ABCA4: variants seen among roughly 807,000 people sequenced by gnomAD.
The protein encoded by ABCA4 is ATP binding cassette subfamily A member 4.
In ABCA4, 196 loss-of-function variants were observed where a neutral mutation model predicts 263.7. That is an observed-to-expected ratio of 0.74 (90% CI 0.66 to 0.84). The LOEUF (loss-of-function observed/expected upper bound fraction) is 0.84. ABCA4 is among the 40% of genes least tolerant of loss of function. The pLI, the probability that ABCA4 is intolerant of heterozygous loss-of-function variation, is 0.00. For synonymous variants in ABCA4, 1,133 were observed against 1,094.2 expected (o/e 1.04, Z -0.70); for missense variants, 2,792 against 2,855.1 (o/e 0.98, Z 0.50).
chr1:94,048,756 T>A, intron 18 of ABCA4, 112 bp downstream of exon 18: 1 of 999,400 alleles, frequency 1.0e-6, no homozygotes, highest in Admixed American at 1.9e-5. Flanking sequence ...ACAGAGAGAG[T>A]CAGTTTCCTA....
chr1:94,061,949 C>T (rs913671815), intron 13 of ABCA4, among the ~76,000 whole-genome samples: 1 of 151,786 alleles, frequency 6.6e-6, no homozygotes, highest in Non-Finnish European at 1.5e-5. Context: ...AGCCTCCCAA[C>T]CCTCCACCCC....
intron 22 of ABCA4, among the ~76,000 whole-genome samples, chr1:94,042,208 AG>A (rs1353717300): frequency 1.3e-5 from 2 of 152,062 alleles, no homozygotes; most frequent in East Asian, 3.8e-4. Context: ...GAGTAGAGCA[AG>A]GGGGAAAGCT....
intron 22 of ABCA4, among the ~76,000 whole-genome samples, chr1:94,042,352 T>A (rs773300394): frequency 5.3e-5 from 8 of 152,070 alleles, no homozygotes; most frequent in Non-Finnish European, 1.0e-4. Context: ...GTGGCCACCC[T>A]CTGGAGCACT....
intron 7 of ABCA4, 122 bp downstream of exon 7, chr1:94,083,230 T>C (rs1024047342): frequency 7.5e-6 from 7 of 933,218 alleles, no homozygotes; most frequent in Admixed American, 1.7e-5. Flanking sequence ...AATTGCTAGA[T>C]GGAAAGATCA....
intron 16 of ABCA4, among the ~76,000 whole-genome samples, chr1:94,053,111 G>A (rs755562179): frequency 3.9e-5 from 6 of 152,166 alleles, no homozygotes; most frequent in South Asian, 2.1e-4. Context: ...AGAGTGGTGC[G>A]TCTAGAGAGA....
chr1:94,037,971 C>A (rs1234106353), intron 24 of ABCA4, among the ~76,000 whole-genome samples: 2 of 152,132 alleles, frequency 1.3e-5, no homozygotes, highest in Non-Finnish European at 2.9e-5. Flanking sequence ...GGGGGACTTG[C>A]CCAAGACACA....
chr1:94,011,176 C>T, intron 39 of ABCA4, 86 bp downstream of exon 39: 1 of 1,607,274 alleles, frequency 6.2e-7, no homozygotes, highest in Non-Finnish European at 8.5e-7. Context: ...CCAGCCCCTG[C>T]CACAGTCTGA....
chr1:94,055,100 A>G lies in ABCA4; in HGVS notation c.2587+11T>C. The stretch of plus-strand genomic sequence containing the variant: ...CTCAATTACCTTTACCCTATAGAGG[A>G]GGATGCTTACCTGGAAACACCTGAT... On this transcript the variant is annotated intron_variant, in intron 16 of 49. Transcript: ENST00000370225. 6.2e-7 allele frequency: 1 copy of G among 1,612,872 alleles called. No homozygotes were observed. Among genetic ancestry groups the G allele is most frequent in the Non-Finnish European group, 8.5e-7 (1 of 1,178,888 alleles).
At chr1:94,017,157 T>C (rs967674980) in intron 36 of ABCA4, among the ~76,000 whole-genome samples, 4 of 152,134 alleles carry the variant, frequency 2.6e-5, no homozygotes, top group Non-Finnish European at 4.4e-5. Context: ...GAATAGGATA[T>C]TTATATATCT....
intron 6 of ABCA4, among the ~76,000 whole-genome samples, chr1:94,090,368 A>C (rs577819181): frequency 2.6e-5 from 4 of 152,144 alleles, no homozygotes; most frequent in Non-Finnish European, 4.4e-5. Flanking sequence ...AAAAAAAAAA[A>C]AAAACTTCAA....
chr1:94,011,464 C>T, intron 38 of ABCA4, 79 bp from the exon 39 acceptor site: 3 of 1,604,118 alleles, frequency 1.9e-6, no homozygotes, highest in Non-Finnish European at 2.6e-6. Context: ...CCCAGATGCT[C>T]TCACAGGACA....
chr1:94,119,914 C>T (rs762887008), intron 1 of ABCA4, among the ~76,000 whole-genome samples: 3 of 152,118 alleles, frequency 2.0e-5, no homozygotes, highest in African/African-American at 7.2e-5. Flanking sequence ...GCAGGTCTCC[C>T]TCCCTTTCCT....
intron 47 of ABCA4, among the ~76,000 whole-genome samples, chr1:93,999,443 G>C (rs1474873768): frequency 6.6e-6 from 1 of 152,244 alleles, no homozygotes; most frequent in African/African-American, 2.4e-5. Context: ...TGATGGGCCA[G>C]GTGGGAGCAA....
At chr1:94,039,257 G>C (rs1660423759) in intron 24 of ABCA4, among the ~76,000 whole-genome samples, 2 of 152,224 alleles carry the variant, frequency 1.3e-5, no homozygotes, top group Non-Finnish European at 2.9e-5. Flanking sequence ...CCCTCCAGTT[G>C]TAATGATCAG....
intron 48 of ABCA4, among the ~76,000 whole-genome samples, chr1:93,997,650 T>C (rs890964084): frequency 6.6e-6 from 1 of 151,766 alleles, no homozygotes; most frequent in African/African-American, 2.4e-5. Context: ...GGAAGGAAAA[T>C]GTAAAAAAAA....
intron 11 of ABCA4, among the ~76,000 whole-genome samples, chr1:94,076,712 C>T (rs1247431579): frequency 6.6e-6 from 1 of 152,092 alleles, no homozygotes; most frequent in Non-Finnish European, 1.5e-5. Flanking sequence ...AGCAGGTGTG[C>T]GGAATGTAAC....
intron 35 of ABCA4, 84 bp downstream of exon 35, chr1:94,021,156 C>G (rs763246805): frequency 1.5e-5 from 23 of 1,586,084 alleles, no homozygotes; most frequent in Non-Finnish European, 2.0e-5. Context: ...ATCAGCACTT[C>G]GCGGTGGTGA....
intron 17 of ABCA4, among the ~76,000 whole-genome samples, chr1:94,049,237 T>C (rs1034787332): frequency 1.3e-5 from 2 of 152,064 alleles, no homozygotes; most frequent in Non-Finnish European, 2.9e-5. Flanking sequence ...GAAAACCAGG[T>C]TTGAATTTGA....
Position 94,005,462 on chromosome 1 carries a change from T to A in ABCA4, c.6126A>T (p.Val2042=). The A allele has an allele frequency of 6.2e-7, 1 of 1,614,178 alleles. No homozygotes were observed. The highest frequency in any genetic ancestry group is 1.1e-5 in the South Asian group (1 of 91,082). Residue 2042 remains valine (V), a synonymous_variant, in exon 44 of 50, where the codon GTA becomes GTT. Transcript: ENST00000370225. ...TCACCTTTTCGATTTCTTCTGCTGGTACACCTCGAAGCCGGGCATAAAGGT... is the reference window on the plus strand; with the variant it reads ...TCACCTTTTCGATTTCTTCTGCTGGAACACCTCGAAGCCGGGCATAAAGGT... ...HLYLYARLRG[V]PAEEIEKVAN...
Sources: allele counts gnomAD v4.1 joint callset (sites outside exome capture counted in the v4.1 genomes callset), GRCh38; gene constraint gnomAD v4.1.1; transcripts MANE v1.5; gene names NCBI Gene and HGNC (gene_info 2026-07-23, HGNC 2026-07-21).